The following PCM1 variants were observed in gnomAD, a reference collection of about 807,000 sequenced individuals.
PCM1 encodes the protein pericentriolar material 1 protein.
A neutral mutation model predicts 241.9 loss-of-function variants in PCM1; 157 were observed. The observed-to-expected ratio is 0.65, with a 90% CI of 0.57 to 0.74. The LOEUF (loss-of-function observed/expected upper bound fraction) is 0.74, where lower values mean the gene tolerates loss of function less well. PCM1 is among the 30% of genes least tolerant of loss of function. The pLI, the probability that PCM1 is intolerant of heterozygous loss-of-function variation, is 0.00. For synonymous variants in PCM1, 1,085 were observed against 784.9 expected (o/e 1.38, Z -6.39); for missense variants, 3,478 against 2,360.1 (o/e 1.47, Z -9.81).
rs575520140 is a variant in PCM1, at chr8:17,949,522, G to T, written c.962-1093G>T. 9.8e-5 allele frequency among the ~76,000 whole-genome samples: 12 copies of T among 122,506 alleles called. No individual in the cohort carries two copies. In the South Asian group the frequency reaches 3.7e-3, roughly 38 times the overall value. The allele number at this position is 122,506 out of a possible 152,430, so 80.4% of individuals were successfully genotyped here. On this transcript the variant is annotated intron_variant, in intron 7 of 38. Transcript: ENST00000325083. ...TATCTTTTTTTTTTTTTTGAGACAG[G>T]ATCTTGCTCTGTCACCCAGGCTGGA...
In PCM1 at chr8:17,950,629, G is replaced by A. The variant is rs2065681457; in HGVS notation, c.976G>A (p.Ala326Thr). ...VMDDSVVAET[A>T]GSLSGVSITS... is the part of the protein sequence containing the mutation. ...TTTCTTTCCAGTTGTTGCAGAAACT[G>A]CAGGTAGCTTATCTGGCGTCAGTAT... Residue 326 changes from alanine (A) to threonine (T), a missense_variant, in exon 8 of 39, where the codon GCA (alanine) becomes ACA (threonine). Transcript: ENST00000325083. 3 of 1,590,676 alleles carry A rather than the reference G, an allele frequency of 1.9e-6. No individual in the cohort carries two copies. In the East Asian group the frequency reaches 6.7e-5, roughly 36 times the overall value.
chr8:18,018,852 G>GTATATATATATATA (rs71519940), intron 36 of PCM1, among the ~76,000 whole-genome samples: 1 of 53,734 alleles, frequency 1.9e-5, no homozygotes, highest in Admixed American at 1.7e-4. Context: ...GTGTGTGTGT[G>GTATATATATATATA]TATATATATA....
At position 17,962,063 on chromosome 8, in the gene PCM1, C is replaced by T. The variant is rs3780103; in HGVS notation, c.2352C>T (p.Pro784=). 0.54 allele frequency: 868,531 copies of T among 1,608,838 alleles called. 247,299 individuals carry two copies. Among genetic ancestry groups the T allele is most frequent in the Non-Finnish European group, 0.6 (706,018 of 1,176,758 alleles). ...CAGCTGCTAGTGTGGGTAACTGTCC[C>T]ACCAAAAAATATATGCCAGCTGTTA... The part of the protein sequence containing the change: ...QLSAASVGNC[P]TKKYMPAVTS... The change falls in exon 16 of 39, where the codon CCC becomes CCT. Residue 784 remains proline, a synonymous_variant. Coordinates refer to ENST00000325083, the MANE Select transcript of PCM1 (RefSeq NM_006197.4).
intron 7 of PCM1, among the ~76,000 whole-genome samples, chr8:17,949,436 GA>G (rs1240002109): frequency 2.0e-5 from 3 of 150,858 alleles, no homozygotes; most frequent in Admixed American, 6.6e-5. Flanking sequence ...GTTCTCAGTG[GA>G]AAAAAGGTAG....
chr8:17,942,034 G>T (rs929929742), intron 6 of PCM1, among the ~76,000 whole-genome samples: 1 of 151,830 alleles, frequency 6.6e-6, no homozygotes, highest in Admixed American at 6.6e-5. Flanking sequence ...CCTCTCCATG[G>T]ATTATAGCTT....
chr8:17,991,992 C>T (rs893537876), intron 28 of PCM1, among the ~76,000 whole-genome samples: 7 of 152,182 alleles, frequency 4.6e-5, no homozygotes, highest in African/African-American at 1.7e-4. Context: ...CTTAGATTAA[C>T]GGTCTCCAAC....
chr8:18,005,687 AG>A (rs2091094568), intron 29 of PCM1, among the ~76,000 whole-genome samples: 2 of 152,130 alleles, frequency 1.3e-5, no homozygotes, highest in African/African-American at 4.8e-5. Context: ...TAAGAAAGTT[AG>A]GGGGTGATGT....
At chr8:17,931,347 G>A (rs1299010160) in intron 2 of PCM1, among the ~76,000 whole-genome samples, 3 of 151,534 alleles carry the variant, frequency 2.0e-5, no homozygotes, top group African/African-American at 7.3e-5. Context: ...GGAGTGCAGT[G>A]GCGTGATCTC....
chr8:17,947,271 A>G lies in PCM1; in HGVS notation c.869A>G (p.Gln290Arg), dbSNP rs780014563. Residue 290 changes from glutamine to arginine, a missense_variant, in exon 7 of 39, where the codon CAG (glutamine) becomes CGG (arginine). By Grantham distance (43) the Gln-to-Arg change is conservative. Coordinates refer to ENST00000325083, the MANE Select transcript of PCM1 (RefSeq NM_006197.4). ...TTATTAAAAAGAATGTTACAACAGC[A>G]GGAGCAACTAAGAGCTCTACAGGGA... ...HDLLKRMLQQ[Q>R]EQLRALQGRQ... 5.6e-6 allele frequency: 9 copies of G among 1,611,282 alleles called. No individual in the cohort carries two copies. The Admixed American group carries it at 1.2e-4, about 21-fold the overall frequency.
At chr8:17,951,321 T>A (rs2065931316) in intron 8 of PCM1, among the ~76,000 whole-genome samples, 1 of 152,200 alleles carries the variant, frequency 6.6e-6, no homozygotes, top group East Asian at 1.9e-4. Flanking sequence ...GTCTCTTGTC[T>A]TCTTGCTGAC....
chr8:17,960,026 G>C lies in PCM1; in HGVS notation c.2053G>C (p.Ala685Pro). ...GATGCTCTTTCAGGATGATGATGCAGCTCAAGGAGTTATCTCTGCCAGTGC... is the reference window on the plus strand; with the variant it reads ...GATGCTCTTTCAGGATGATGATGCACCTCAAGGAGTTATCTCTGCCAGTGC... ...LVAMVQDDDAAQGVISASASN... is the reference protein window; with the variant it reads ...LVAMVQDDDAPQGVISASASN... The change falls in exon 14 of 39, where the codon GCT (alanine) becomes CCT (proline). Residue 685 changes from alanine (A) to proline (P), a missense_variant. By Grantham distance (27) the Ala-to-Pro change is conservative. Transcript: ENST00000325083. 6.2e-7 allele frequency: 1 copy of C among 1,612,520 alleles called. No homozygotes were observed. Among genetic ancestry groups the C allele is most frequent in the Non-Finnish European group, 8.5e-7 (1 of 1,179,262 alleles).
intron 23 of PCM1, among the ~76,000 whole-genome samples, chr8:17,977,270 T>C (rs2079103103): frequency 6.6e-6 from 1 of 152,130 alleles, no homozygotes; most frequent in South Asian, 2.1e-4. Flanking sequence ...AGGTCTCTCT[T>C]TTCAGTAAAT....
At chr8:17,982,283 A>G (rs1046468961) in intron 24 of PCM1, among the ~76,000 whole-genome samples, 4 of 152,156 alleles carry the variant, frequency 2.6e-5, no homozygotes, top group African/African-American at 7.2e-5. Context: ...GATATCTTCA[A>G]AAAATAAACA....
chr8:17,959,953 G>A (rs139378749), intron 13 of PCM1, 61 bp from the exon 14 acceptor site: 2 of 1,483,380 alleles, frequency 1.3e-6, no homozygotes, highest in Non-Finnish European at 1.8e-6. Context: ...ATTTACTAAG[G>A]TATGAATTGG....
Position 17,966,212 on chromosome 8 carries a change from C to T in PCM1, c.3069C>T (p.Asp1023=). ...SVSICQTLMQ[D]QQTLSCLLQT... The stretch of plus-strand genomic sequence containing the variant: ...GTATTTGTCAGACTTTGATGCAAGA[C>T]CAGCAGGTAAAATTTGCTATGAAAG... Residue 1023 remains aspartate (D), a synonymous_variant, in exon 19 of 39, where the codon GAC becomes GAT. Transcript: ENST00000325083. The T allele has an allele frequency of 6.2e-7, 1 of 1,612,420 alleles. No homozygotes were observed.
chr8:17,993,379 G>A, intron 28 of PCM1, 104 bp from the exon 29 acceptor site: 1 of 736,002 alleles, frequency 1.4e-6, no homozygotes, highest in South Asian at 2.8e-5. Flanking sequence ...TATTATGTTA[G>A]CATAAAATCA....
At chr8:18,020,172 T>C (rs1194235972) in intron 36 of PCM1, among the ~76,000 whole-genome samples, 3 of 152,170 alleles carry the variant, frequency 2.0e-5, no homozygotes, top group Non-Finnish European at 1.5e-5. Context: ...TTATCAAATA[T>C]GATAATCCAT....
intron 30 of PCM1, among the ~76,000 whole-genome samples, chr8:18,008,658 C>G (rs1038341795): frequency 6.6e-6 from 1 of 152,084 alleles, no homozygotes; most frequent in Non-Finnish European, 1.5e-5. Context: ...TTACAACAGT[C>G]TAATTAGTTG....
chr8:18,025,598 G>A lies in PCM1; in HGVS notation c.5989G>A (p.Glu1997Lys), dbSNP rs761221628. The A allele has an allele frequency of 1.1e-5, 18 of 1,583,962 alleles. No homozygotes were observed. Among genetic ancestry groups the A allele is most frequent in the Non-Finnish European group, 1.5e-5 (18 of 1,164,208 alleles). ...EEEQKNHLSG[E>K]ICEMQTEELA... The stretch of plus-strand genomic sequence containing the variant: ...AGAACAGAAAAACCATTTATCTGGT[G>A]AAATATGTGAAATGCAGACCGAAGA... The change falls in exon 38 of 39, where the codon GAA (glutamate) becomes AAA (lysine). Residue 1997 changes from glutamate (E) to lysine (K), a missense_variant. By Grantham distance (56) the Glu-to-Lys change is moderately conservative. Coordinates refer to ENST00000325083, the MANE Select transcript of PCM1 (RefSeq NM_006197.4).
Sources: gnomAD v4.1 joint callset for allele counts (sites outside exome capture counted in the v4.1 genomes callset) on GRCh38, gnomAD v4.1.1 for gene constraint, MANE v1.5 for transcripts, NCBI Gene and HGNC (gene_info 2026-07-23, HGNC 2026-07-21) for gene names.